The following MALRD1 variants were observed in gnomAD, a reference collection of about 807,000 sequenced individuals.
MALRD1 encodes MAM and LDL receptor class A domain containing 1.
MALRD1 carries 247 observed loss-of-function variants against 242.1 expected under a neutral mutation model. The observed-to-expected ratio is 1.02, with a 90% CI of 0.92 to 1.13. MALRD1 has a LOEUF of 1.13. Among genes scored for constraint, MALRD1 ranks in the 50% most tolerant of loss-of-function variants. The probability of loss-of-function intolerance (pLI) is 0.00; values close to 1 mark genes in which losing one functional copy is unlikely to be tolerated. For synonymous variants in MALRD1, 995 were observed against 866.6 expected, an observed-to-expected ratio of 1.15 and a Z score of -2.60; for missense variants, 2,989 against 2,533.1, an observed-to-expected ratio of 1.18 and a Z score of -3.86.
chr10:19,207,148 A>T (rs1411021569), intron 17 of MALRD1, among the ~76,000 whole-genome samples: 1 of 152,166 alleles, frequency 6.6e-6, no homozygotes, highest in African/African-American at 2.4e-5. Flanking sequence ...ATCAAGTGTC[A>T]TTACTAACAT....
intron 36 of MALRD1, among the ~76,000 whole-genome samples, chr10:19,661,641 A>C (rs904245143): frequency 6.6e-6 from 1 of 152,058 alleles, no homozygotes; most frequent in Non-Finnish European, 1.5e-5. Context: ...GTTGAGGGAT[A>C]GGGGCGGGGG....
chr10:19,472,370 A>T (rs1171158053), intron 29 of MALRD1, among the ~76,000 whole-genome samples: 1 of 151,856 alleles, frequency 6.6e-6, no homozygotes, highest in African/African-American at 2.4e-5. Context: ...CTTTTCTTGT[A>T]GTGTTTTTGT....
At chr10:19,131,169 T>C (rs1588589695) in intron 8 of MALRD1, among the ~76,000 whole-genome samples, 2 of 152,220 alleles carry the variant, frequency 1.3e-5, no homozygotes, top group East Asian at 3.9e-4. Flanking sequence ...TTAAAAGGAC[T>C]CCAAACCTAT....
Position 19,062,624 on chromosome 10 carries a change from C to T in MALRD1, c.200-4095C>T, listed in dbSNP as rs1234306967. ...TATGCTAAGTGAAATAAGCAACTCA[C>T]ATACACACAGAAAAACATACACTAT... On this transcript the variant is annotated intron_variant, in intron 1 of 39. Coordinates refer to ENST00000454679, the MANE Select transcript of MALRD1 (RefSeq NM_001142308.3). Among the ~76,000 whole-genome samples, 4 of 152,290 alleles carry T rather than the reference C, an allele frequency of 2.6e-5. 1 individual carries two copies. The East Asian group carries it at 7.7e-4, about 29-fold the overall frequency.
At position 19,500,190 on chromosome 10, in the gene MALRD1, A is replaced by G. The variant is rs375598333; in HGVS notation, c.5320+1544A>G. ...GGAATTGTCACCAGCTCTTCTTTTT[A>G]TGTCTGGTAGAATTAACCTTTAAAT... On this transcript the variant is annotated intron_variant, in intron 31 of 39. Transcript: ENST00000454679. Among the ~76,000 whole-genome samples the G allele has an allele frequency of 2.6e-5, 4 of 152,168 alleles. No individual in the cohort carries two copies. In the East Asian group the frequency reaches 5.8e-4, roughly 22 times the overall value.
chr10:19,516,030 A>C (rs2131302626), intron 31 of MALRD1, among the ~76,000 whole-genome samples: 1 of 152,308 alleles, frequency 6.6e-6, no homozygotes, highest in East Asian at 1.9e-4. Flanking sequence ...TATCGTCTTA[A>C]GTTATTTTCA....
Position 19,625,273 on chromosome 10 carries a change from C to A in MALRD1, c.6137+9350C>A, listed in dbSNP as rs79901277. Among the ~76,000 whole-genome samples the A allele has an allele frequency of 2.6e-5, 4 of 152,042 alleles. No homozygotes were observed. The East Asian group carries it at 7.8e-4, about 30-fold the overall frequency. The stretch of plus-strand genomic sequence containing the variant: ...TATGAGGACAAATTTGAATAAAATG[C>A]CTTAAAGGAAATCTAAAACTTAACT... On this transcript the variant is annotated intron_variant, in intron 36 of 39. Coordinates refer to ENST00000454679, the MANE Select transcript of MALRD1 (RefSeq NM_001142308.3).
chr10:19,141,821 A>G (rs1289838553), intron 10 of MALRD1, among the ~76,000 whole-genome samples: 2 of 152,080 alleles, frequency 1.3e-5, no homozygotes, highest in Non-Finnish European at 1.5e-5. Flanking sequence ...TAAACCAAGG[A>G]TCTTGTATGA....
At chr10:19,402,829 C>G (rs1039538888) in intron 28 of MALRD1, among the ~76,000 whole-genome samples, 1 of 152,032 alleles carries the variant, frequency 6.6e-6, no homozygotes, top group Non-Finnish European at 1.5e-5. Flanking sequence ...CCCCACCAAA[C>G]ACACACATGT....
At chr10:19,541,482 T>C (rs537778790) in intron 32 of MALRD1, among the ~76,000 whole-genome samples, 22 of 152,306 alleles carry the variant, frequency 1.4e-4, no homozygotes, top group African/African-American at 5.3e-4. Context: ...TCCTGGCACA[T>C]TGAAATCATT....
At chr10:19,208,458 C>G (rs1836886020) in intron 17 of MALRD1, among the ~76,000 whole-genome samples, 1 of 152,042 alleles carries the variant, frequency 6.6e-6, no homozygotes, top group Admixed American at 6.6e-5. Context: ...GGTATAGATT[C>G]TATGAGCATA....
rs554002684 is a variant in MALRD1 at position 19,524,344 on chromosome 10, G to GTGC, written c.5321-6849_5321-6847dup. The stretch of plus-strand genomic sequence containing the variant: ...TACAAAAAATTAGCTGGGCGTGGTG[G>GTGC]TGCGTGCCTGTAGTCCCAGCTACTT... On this transcript the variant is annotated intron_variant, in intron 31 of 39. Coordinates refer to ENST00000454679, the MANE Select transcript of MALRD1 (RefSeq NM_001142308.3). Among the ~76,000 whole-genome samples, 839 of 152,212 alleles carry GTGC rather than the reference G, an allele frequency of 5.5e-3. 11 individuals carry two copies. Among genetic ancestry groups the GTGC allele is most frequent in the African/African-American group, 0.02 (813 of 41,534 alleles).
chr10:19,623,460 C>T (rs113803020), intron 36 of MALRD1, among the ~76,000 whole-genome samples: 60 of 152,176 alleles, frequency 3.9e-4, no homozygotes, highest in African/African-American at 1.4e-3. Context: ...GAATTGGTTC[C>T]TGTAGTTATG....
At chr10:19,589,242 A>T (rs61246056) in intron 33 of MALRD1, among the ~76,000 whole-genome samples, 6,146 of 152,204 alleles carry the variant, frequency 0.04, 378 homozygotes, top group African/African-American at 0.13. Flanking sequence ...CAATACCAAC[A>T]TTGGTATTTA....
At chr10:19,474,217 AT>A (rs879697865) in intron 29 of MALRD1, among the ~76,000 whole-genome samples, 202 of 151,948 alleles carry the variant, frequency 1.3e-3, no homozygotes, top group Non-Finnish European at 2.5e-3. Context: ...TTAAGCAGTC[AT>A]TTTTTTTAAA....
chr10:19,575,858 G>A (rs373244095), intron 33 of MALRD1, among the ~76,000 whole-genome samples: 4 of 151,954 alleles, frequency 2.6e-5, no homozygotes, highest in African/African-American at 7.3e-5. Flanking sequence ...TCTCTGTAAC[G>A]GCCACATAAC....
Position 19,323,959 on chromosome 10 carries a change from G to A in MALRD1, c.3430G>A (p.Asp1144Asn). 1 of 1,550,634 alleles carries A rather than the reference G, an allele frequency of 6.4e-7. No homozygotes were observed. Among genetic ancestry groups the A allele is most frequent in the Non-Finnish European group, 8.7e-7 (1 of 1,146,822 alleles). ...PSVDHTQNTT[D>N]GWYLYADSSN... is the part of the protein sequence containing the mutation. ...AAATTCCTTTTCCAGAAATACCACT[G>A]ATGGCTGGTACCTGTATGCTGACAG... Residue 1144 changes from aspartate to asparagine, a missense_variant, in exon 22 of 40, where the codon GAT (aspartate) becomes AAT (asparagine). Asp to Asn is a conservative substitution (Grantham distance 23). Coordinates refer to ENST00000454679, the MANE Select transcript of MALRD1 (RefSeq NM_001142308.3).
At chr10:19,367,950 GTATTAT>G (rs1008098628) in intron 26 of MALRD1, among the ~76,000 whole-genome samples, 12 of 151,856 alleles carry the variant, frequency 7.9e-5, no homozygotes, top group African/African-American at 2.4e-4. Flanking sequence ...TTAAATTGGA[GTATTAT>G]TATTATTATT....
rs1223869091 is a variant in MALRD1 at position 19,298,123 on chromosome 10, G to T, written c.3419+14942G>T. Among the ~76,000 whole-genome samples the T allele has an allele frequency of 1.3e-5, 2 of 151,914 alleles. 1 individual carries two copies. The highest frequency in any genetic ancestry group is 4.8e-5 in the African/African-American group (2 of 41,358). On this transcript the variant is annotated intron_variant, in intron 21 of 39. Transcript: ENST00000454679. ...GGTGCCCGCATCTGCTCAGTTTCTG[G>T]TGAGGAATTTGTGCTACATCAAAAC...
Sources: gnomAD v4.1 joint callset for allele counts (sites outside exome capture counted in the v4.1 genomes callset) on GRCh38, gnomAD v4.1.1 for gene constraint, MANE v1.5 for transcripts, NCBI Gene and HGNC (gene_info 2026-07-23, HGNC 2026-07-21) for gene names.